AJUBA: variants seen among roughly 807,000 people sequenced by gnomAD.
AJUBA encodes ajuba LIM protein.
A neutral mutation model predicts 53.3 loss-of-function variants in AJUBA; 20 were observed. That is an observed-to-expected ratio of 0.38 (90% confidence interval 0.26 to 0.55). AJUBA has a LOEUF of 0.55. Ranked by LOEUF, AJUBA falls within the 20% of genes least tolerant of loss-of-function variation. AJUBA has a pLI of 0.80. For missense variants in AJUBA, 580 were observed against 730.5 expected, an observed-to-expected ratio of 0.79 and a Z score of 2.38; for synonymous variants, 296 against 306.2, an observed-to-expected ratio of 0.97 and a Z score of 0.35.
In AJUBA at chr14:22,982,365, G is replaced by A; in HGVS notation, c.-99C>T. On this transcript the variant is annotated 5_prime_UTR_variant, in exon 1 of 8. Transcript: ENST00000262713. Reference sequence around the variant, plus strand: ...CCTGCAGCCGGACTCTGGTTCCCCAGGGGCACAGGGGAGGCACAGGGGCTT... The same window carrying A: ...CCTGCAGCCGGACTCTGGTTCCCCAAGGGCACAGGGGAGGCACAGGGGCTT... The A allele has an allele frequency of 6.5e-7, 1 of 1,544,674 alleles. No homozygotes were observed. Among genetic ancestry groups the A allele is most frequent in the Non-Finnish European group, 8.7e-7 (1 of 1,155,778 alleles).
intron 4 of AJUBA, 183 bp from the exon 5 acceptor site, chr14:22,975,287 G>C (rs1039422212): frequency 5.5e-6 from 4 of 723,550 alleles, no homozygotes; most frequent in African/African-American, 1.8e-5. Context: ...GTGCCTGAGA[G>C]AGCATTCAGG....
rs2045000777 is a variant in AJUBA, at chr14:22,973,221, A to G, written c.*222T>C. The G allele has an allele frequency of 3.2e-6, 2 of 629,064 alleles. No homozygotes were observed. The highest frequency in any genetic ancestry group is 5.3e-6 in the Non-Finnish European group (2 of 373,892). 39.0% of individuals were successfully genotyped at this position (629,064 alleles called of 1,614,324 possible). On this transcript the variant is annotated 3_prime_UTR_variant, in exon 8 of 8. Coordinates refer to ENST00000262713, the MANE Select transcript of AJUBA (RefSeq NM_032876.6). ...GTGTGCCTAAGCTCAGACTGCACAC[A>G]TGGGAAAAAGGCCAGTCGCCCCCAC...
chr14:22,977,904 G>A (rs954454255), intron 2 of AJUBA, among the ~76,000 whole-genome samples: 5 of 151,804 alleles, frequency 3.3e-5, no homozygotes, highest in African/African-American at 1.2e-4. Context: ...GCTGAACTCT[G>A]ACCAGCCAAG....
intron 4 of AJUBA, among the ~76,000 whole-genome samples, chr14:22,976,191 G>T (rs1171653128): frequency 6.7e-6 from 1 of 149,900 alleles, no homozygotes; most frequent in Non-Finnish European, 1.5e-5. Flanking sequence ...CACACTCCTA[G>T]CTCAGGCTGG....
intron 1 of AJUBA, chr14:22,980,786 C>A (rs1408140071): frequency 3.5e-6 from 2 of 572,160 alleles, no homozygotes; most frequent in Non-Finnish European, 4.4e-6. Context: ...CTGGAGCGCC[C>A]GGGCAGGAGT....
At chr14:22,976,837 C>T in intron 2 of AJUBA, 125 bp from the exon 3 acceptor site, 2 of 1,469,956 alleles carry the variant, frequency 1.4e-6, no homozygotes, top group Non-Finnish European at 9.0e-7. Flanking sequence ...CTCCTAACTG[C>T]TGTCTGTCCT....
chr14:22,980,467 TG>T, intron 1 of AJUBA: 1 of 458,510 alleles, frequency 2.2e-6, no homozygotes, highest in Non-Finnish European at 2.9e-6. Context: ...AAGTTATTTC[TG>T]GCAATAACAC....
In AJUBA at chr14:22,981,401, C is replaced by T. The variant is rs1392062501; in HGVS notation, c.866G>A (p.Gly289Asp). Residue 289 changes from glycine (G) to aspartate (D), a missense_variant, in exon 1 of 8, where the codon GGC (glycine) becomes GAC (aspartate). By Grantham distance (94) the Gly-to-Asp change is moderately conservative. Around this residue, in one of 2 missense-constraint regions of AJUBA, gnomAD observed 430 missense variants for 471.5 expected, o/e 0.91. Transcript: ENST00000262713. ...GGCTCCGGCTTCTCGCCCACCGGTG[C>T]CCACCGTCAGGCGAAGCAAAGCTGT... ...ELTALLRLTV[G>D]TGGREAGARG... 4.3e-6 allele frequency: 7 copies of T among 1,612,696 alleles called. No homozygotes were observed. The African/African-American group carries it at 5.3e-5, about 12-fold the overall frequency.
intron 4 of AJUBA, chr14:22,975,326 C>G: frequency 1.9e-6 from 1 of 534,640 alleles, no homozygotes; most frequent in Non-Finnish European, 3.2e-6. Flanking sequence ...GGCTGCATAT[C>G]AGGATCACCT....
In AJUBA at chr14:22,973,523, G is replaced by C; in HGVS notation, c.1537C>G (p.Pro513Ala). 2 of 1,614,188 alleles carry C rather than the reference G, an allele frequency of 1.2e-6. No homozygotes were observed. Among genetic ancestry groups the C allele is most frequent in the Non-Finnish European group, 1.7e-6 (2 of 1,180,038 alleles). Residue 513 changes from proline (P) to alanine (A), a missense_variant, in exon 8 of 8, where the codon CCT becomes GCT. Physicochemically the swap from Pro to Ala is conservative, Grantham distance 27. Coordinates refer to ENST00000262713, the MANE Select transcript of AJUBA (RefSeq NM_032876.6). ...LSDEEGCCCFPLDGHLLCHGC... is the reference protein window; with the variant it reads ...LSDEEGCCCFALDGHLLCHGC... ...TGGCAGAGCAAGTGCCCATCCAGAG[G>C]GAAACAGCAGCAGCCTTCCTCATCA...
At chr14:22,977,060 A>C in intron 2 of AJUBA, 1 of 1,163,262 alleles carries the variant, frequency 8.6e-7, no homozygotes, top group Non-Finnish European at 1.1e-6. Context: ...GTGAGCTCTT[A>C]ATAAGGTGCT....
Position 22,981,472 on chromosome 14 carries a change from G to A in AJUBA, c.795C>T (p.Thr265=), listed in dbSNP as rs746617100. Residue 265 remains threonine (T), a synonymous_variant, in exon 1 of 8, where the codon ACC becomes ACT. Coordinates refer to ENST00000262713, the MANE Select transcript of AJUBA (RefSeq NM_032876.6). ...CGCCCACGGCGCAGTCCCCGTAGCC[G>A]GTCACAGAGTGTCGTCCGGGTTGCG... ...RGAQPGRHSV[T]GYGDCAVGAR... is the part of the protein sequence containing the mutation. 4.6e-5 allele frequency: 74 copies of A among 1,606,080 alleles called. No homozygotes were observed. The highest frequency in any genetic ancestry group is 3.3e-4 in the Middle Eastern group (2 of 6,070).
At chr14:22,977,390 C>T (rs932602075) in intron 2 of AJUBA, 1 of 168,334 alleles carries the variant, frequency 5.9e-6, no homozygotes, top group Non-Finnish European at 1.2e-5. Flanking sequence ...TGACCAACCC[C>T]CAGGAACTGC....
Position 22,981,946 on chromosome 14 carries a change from G to A in AJUBA, c.321C>T (p.Pro107=), listed in dbSNP as rs757893216. 6.4e-7 allele frequency: 1 copy of A among 1,569,442 alleles called. No homozygotes were observed. Among genetic ancestry groups the A allele is most frequent in the South Asian group, 1.2e-5 (1 of 85,792 alleles). The change falls in exon 1 of 8, where the codon CCC becomes CCT. Residue 107 remains proline, a synonymous_variant. Coordinates refer to ENST00000262713, the MANE Select transcript of AJUBA (RefSeq NM_032876.6). ...GGGCCGTGGGCTCCAGCCGAAAATCGGGGGGCAACGACTGAGGTAGAGGCA... is the reference window on the plus strand; with the variant it reads ...GGGCCGTGGGCTCCAGCCGAAAATCAGGGGGCAACGACTGAGGTAGAGGCA... ...RALPLPQSLP[P]DFRLEPTAPA... is the part of the protein sequence containing the mutation.
intron 6 of AJUBA, 152 bp from the exon 7 acceptor site, chr14:22,974,267 A>ATGTGGC: frequency 1.2e-6 from 1 of 800,022 alleles, no homozygotes. Context: ...ATGCTTCTGC[A>ATGTGGC]AATCCTACCA....
At position 22,982,379 on chromosome 14, in the gene AJUBA, G is replaced by T; in HGVS notation, c.-113C>A. 6.6e-7 allele frequency: 1 copy of T among 1,514,036 alleles called. No homozygotes were observed. Among genetic ancestry groups the T allele is most frequent in the Non-Finnish European group, 8.8e-7 (1 of 1,142,670 alleles). 93.8% of individuals were successfully genotyped at this position (1,514,036 alleles called of 1,614,324 possible). On this transcript the variant is annotated 5_prime_UTR_variant, in exon 1 of 8. It introduces an in-frame stop codon into an upstream open reading frame of the 5' UTR. Transcript: ENST00000262713. The stretch of plus-strand genomic sequence containing the variant: ...CTGGTTCCCCAGGGGCACAGGGGAG[G>T]CACAGGGGCTTAGCGGGCGGCCTGG...
At chr14:22,976,784 C>T in intron 2 of AJUBA, 72 bp from the exon 3 acceptor site, 1 of 1,575,844 alleles carries the variant, frequency 6.3e-7, no homozygotes, top group Non-Finnish European at 8.6e-7. Context: ...TCACTGCTCC[C>T]CGCTGCTGCA....
At chr14:22,978,841 A>T in intron 1 of AJUBA, 2 of 1,250,398 alleles carry the variant, frequency 1.6e-6, no homozygotes, top group Non-Finnish European at 2.1e-6. Flanking sequence ...ACAGGTGCTC[A>T]GCAGCAGACT....
chr14:22,975,966 C>G (rs951644698), intron 4 of AJUBA: 1 of 153,620 alleles, frequency 6.5e-6, no homozygotes, highest in Non-Finnish European at 1.4e-5. Context: ...AATTCGAGAC[C>G]AGCCTGGCCA....
Sources: gnomAD v4.1 joint callset for allele counts (sites outside exome capture counted in the v4.1 genomes callset) on GRCh38, gnomAD v4.1.1 for gene constraint, gnomAD v4.1.1 regional missense constraint, MANE v1.5 for transcripts, NCBI Gene and HGNC (gene_info 2026-07-23, HGNC 2026-07-21) for gene names.